Variants in PAK3 observed in about 807,000 individuals in gnomAD.
The protein encoded by PAK3 is p21 (RAC1) activated kinase 3.
In PAK3, 4 loss-of-function variants were observed where a neutral mutation model predicts 41.0. That is an observed-to-expected ratio of 0.10 (90% CI 0.05 to 0.22). The LOEUF is 0.22. Ranked by LOEUF, PAK3 falls within the 10% of genes least tolerant of loss-of-function variation. The pLI is 1.00. For missense variants in PAK3, 205 were observed against 409.9 expected, an observed-to-expected ratio of 0.50 and a Z score of 4.32; for synonymous variants, 146 against 139.6, an observed-to-expected ratio of 1.05 and a Z score of -0.32.
At chrX:111,136,795 A>G (rs1162669837) in intron 5 of PAK3, among the ~76,000 whole-genome samples, 2 of 112,054 alleles carry the variant, frequency 1.8e-5, no homozygotes, top group African/African-American at 3.2e-5. Context: ...GCTGTGCATT[A>G]TCTCTGGAGT....
Position 110,983,506 on chromosome X carries a change from G to C in PAK3, c.-28+38878G>C, listed in dbSNP as rs1425286775. 4.4e-5 allele frequency among the ~76,000 whole-genome samples: 4 copies of C among 90,040 alleles called. No individual in the cohort carries two copies. The Admixed American group carries it at 5.4e-4, about 12-fold the overall frequency. The allele number at this position is 90,040 out of a possible 115,157, so 78.2% of individuals were successfully genotyped here. On this transcript the variant is annotated intron_variant, in intron 1 of 14. Transcript: ENST00000425146. ...AGAGAGAGAGAGGATGTGTGTGTTT[G>C]TGTGCATGTGTGTGTATGTCTGCGT... is the stretch of plus-strand genomic sequence containing the variant.
intron 1 of PAK3, among the ~76,000 whole-genome samples, chrX:111,042,775 C>T (rs2092464049): frequency 8.9e-6 from 1 of 111,764 alleles, no homozygotes; most frequent in Non-Finnish European, 1.9e-5. Context: ...ATGCCTCTGC[C>T]TGTGCCTACA....
intron 1 of PAK3, among the ~76,000 whole-genome samples, chrX:110,999,516 G>A (rs767100979): frequency 5.1e-4 from 56 of 110,583 alleles, no homozygotes; most frequent in South Asian, 7.7e-4. Flanking sequence ...TGCTTCTTTC[G>A]CTTTGCGGAG....
At chrX:111,034,671 T>C (rs1034312313) in intron 1 of PAK3, among the ~76,000 whole-genome samples, 11 of 111,542 alleles carry the variant, frequency 9.9e-5, no homozygotes, top group African/African-American at 3.6e-4. Flanking sequence ...CCTTGACAGA[T>C]GTGTTAGGAC....
At chrX:111,196,389 T>A in intron 15 of PAK3, 55 bp from the exon 16 acceptor site, 1 of 951,746 alleles carries the variant, frequency 1.1e-6, no homozygotes, top group Non-Finnish European at 1.5e-6. Flanking sequence ...GAAAGTGATA[T>A]ATTGTAAAAG....
chrX:111,005,678 A>G (rs749759443), intron 1 of PAK3, among the ~76,000 whole-genome samples: 5 of 111,631 alleles, frequency 4.5e-5, no homozygotes, highest in Admixed American at 2.9e-4. Flanking sequence ...GTGATTTGCT[A>G]TATCCCCGGT....
rs143222625 is a variant in PAK3 at position 111,050,830 on chromosome X, C to T, written c.-27-72247C>T. ...TGTGCAAAGAGCATATAATAGGTCC[C>T]TAATGAGGGCAAGACAATGAGTGTT... On this transcript the variant is annotated intron_variant, in intron 1 of 14. Coordinates refer to the PAK3 transcript ENST00000425146. Among the ~76,000 whole-genome samples the T allele has an allele frequency of 3.4e-4, 38 of 112,601 alleles. No homozygotes were observed. In the East Asian group the frequency reaches 0.01, roughly 30 times the overall value.
chrX:111,031,156 A>G (rs183911709), intron 1 of PAK3, among the ~76,000 whole-genome samples: 15 of 112,248 alleles, frequency 1.3e-4, no homozygotes, highest in African/African-American at 4.5e-4. Flanking sequence ...CATAGCTCCT[A>G]TGTTTGGGGA....
upstream of PAK3, among the ~76,000 whole-genome samples, chrX:111,094,498 A>C (rs182028009): frequency 6.4e-4 from 71 of 110,685 alleles, no homozygotes; most frequent in African/African-American, 2.2e-3. Context: ...ACCCTTAAAA[A>C]TGGTCTGGAT....
At chrX:111,149,374 C>G (rs2093995096) in intron 7 of PAK3, among the ~76,000 whole-genome samples, 1 of 111,920 alleles carries the variant, frequency 8.9e-6, no homozygotes, top group Non-Finnish European at 1.9e-5. Context: ...GCCCTCTTCT[C>G]ACAGCTCCAC....
rs1224973280 is a variant in PAK3, at chrX:111,156,533, A to G, written c.468+4086A>G. ...TTTCCTTATAGTTCTAGAGGAGAGT[A>G]TGCTTCGCAATGTGTATGTCTTTTT... On this transcript the variant is annotated intron_variant, in intron 8 of 17. Transcript: ENST00000372007. Among the ~76,000 whole-genome samples the G allele has an allele frequency of 3.6e-5, 4 of 112,038 alleles. No individual in the cohort carries two copies. In the Admixed American group the frequency reaches 3.8e-4, roughly 11 times the overall value.
At chrX:110,986,922 A>T (rs1459291246) in intron 1 of PAK3, among the ~76,000 whole-genome samples, 1 of 111,919 alleles carries the variant, frequency 8.9e-6, no homozygotes, top group East Asian at 2.8e-4. Flanking sequence ...ATAACTAGTA[A>T]TTTGTCACAT....
At chrX:111,180,409 T>A (rs2094452113) in intron 11 of PAK3, among the ~76,000 whole-genome samples, 1 of 111,743 alleles carries the variant, frequency 8.9e-6, no homozygotes, top group Non-Finnish European at 1.9e-5. Flanking sequence ...ACAGGTACTC[T>A]CTATGAGCAT....
chrX:111,080,221 A>G (rs998106886), intron 1 of PAK3, among the ~76,000 whole-genome samples: 4 of 111,783 alleles, frequency 3.6e-5, no homozygotes, highest in African/African-American at 6.5e-5. Context: ...GCTACAGAGA[A>G]ATCTTTCACG....
chrX:111,217,178 T>C (rs1603401712), intron 17 of PAK3: 1 of 300,795 alleles, frequency 3.3e-6, no homozygotes, highest in East Asian at 2.2e-4. Flanking sequence ...ATTATCCCAT[T>C]TTATAGATGT....
intron 6 of PAK3, chrX:111,144,931 G>T (rs1411431004): frequency 2.0e-6 from 2 of 987,693 alleles, no homozygotes; most frequent in Non-Finnish European, 2.8e-6. Flanking sequence ...TGGTATGAGT[G>T]ATATAAATTA....
In PAK3 at chrX:111,216,474, A is replaced by G; in HGVS notation, c.1461A>G (p.Arg487=). Residue 487 remains arginine, a synonymous_variant, in exon 17 of 18, where the codon AGA becomes AGG. Transcript: ENST00000372007. ...CTCCAGAGCTCCAGAATCCTGAGAGACTGTCAGCTGTATTCCGTGACTTTT... is the reference window on the plus strand; with the variant it reads ...CTCCAGAGCTCCAGAATCCTGAGAGGCTGTCAGCTGTATTCCGTGACTTTT... ...NGTPELQNPE[R]LSAVFRDFLN... The G allele has an allele frequency of 8.5e-7, 1 of 1,179,537 alleles. No homozygotes were observed. Among genetic ancestry groups the G allele is most frequent in the Non-Finnish European group, 1.2e-6 (1 of 865,950 alleles).
At chrX:111,000,972 G>A (rs1012179561) in intron 1 of PAK3, among the ~76,000 whole-genome samples, 5 of 111,367 alleles carry the variant, frequency 4.5e-5, no homozygotes, top group Non-Finnish European at 9.4e-5. Context: ...TAGGATGGTC[G>A]TGGAAGGCCT....
intron 17 of PAK3, among the ~76,000 whole-genome samples, chrX:111,218,255 T>C (rs1388653389): frequency 1.8e-5 from 2 of 112,113 alleles, no homozygotes; most frequent in Non-Finnish European, 3.8e-5. Flanking sequence ...TTGATATTTA[T>C]TGAGCAACTT....
Sources: allele counts gnomAD v4.1 joint callset (sites outside exome capture counted in the v4.1 genomes callset), GRCh38; gene constraint gnomAD v4.1.1; transcripts MANE v1.5; gene names NCBI Gene and HGNC (gene_info 2026-07-23, HGNC 2026-07-21).